WDFY3: variants seen among roughly 807,000 people sequenced by gnomAD.
The protein encoded by WDFY3 is WD repeat and FYVE domain containing 3.
A neutral mutation model predicts 409.6 loss-of-function variants in WDFY3; 66 were observed. The ratio of observed to expected loss-of-function variants is 0.16; its 90% CI spans 0.13 to 0.20. The LOEUF (loss-of-function observed/expected upper bound fraction) is 0.20. Ranked by LOEUF, WDFY3 falls within the 10% of genes least tolerant of loss-of-function variation. The probability of loss-of-function intolerance (pLI) is 1.00; values close to 1 mark genes in which losing one functional copy is unlikely to be tolerated. For missense variants in WDFY3, 3,031 were observed against 4,298.1 expected, an observed-to-expected ratio of 0.71 and a Z score of 8.24; for synonymous variants, 1,521 against 1,537.1, an observed-to-expected ratio of 0.99 and a Z score of 0.25.
chr4:84,903,010 T>C (rs1447037491), intron 2 of WDFY3, among the ~76,000 whole-genome samples: 2 of 152,202 alleles, frequency 1.3e-5, no homozygotes, highest in East Asian at 3.9e-4. Context: ...AATTATGTTG[T>C]TGAATGAAGG....
intron 1 of WDFY3, among the ~76,000 whole-genome samples, chr4:84,959,134 C>T (rs1033589014): frequency 1.3e-5 from 2 of 152,144 alleles, no homozygotes; most frequent in South Asian, 4.1e-4. Flanking sequence ...GCCTAACAGA[C>T]AGCAGACACT....
intron 3 of WDFY3, among the ~76,000 whole-genome samples, chr4:84,863,356 C>T (rs1283719167): frequency 2.6e-5 from 4 of 152,150 alleles, no homozygotes; most frequent in South Asian, 2.1e-4. Context: ...GTACAAGAGT[C>T]CCCCATTTTC....
At chr4:84,893,419 C>T (rs543374998) in intron 3 of WDFY3, among the ~76,000 whole-genome samples, 1 of 152,262 alleles carries the variant, frequency 6.6e-6, no homozygotes, top group South Asian at 2.1e-4. Flanking sequence ...ACTGTTTTCT[C>T]CTCACTTCAC....
chr4:84,880,843 G>C (rs1184711086), intron 3 of WDFY3, among the ~76,000 whole-genome samples: 2 of 148,986 alleles, frequency 1.3e-5, no homozygotes, highest in Non-Finnish European at 1.5e-5. Context: ...TCAGCCTCTC[G>C]AGTGGCTGGG....
rs1741579237 is a variant in WDFY3 at position 84,756,974 on chromosome 4, C to T, written c.5376G>A (p.Leu1792=). Residue 1792 remains leucine (L), a synonymous_variant, in exon 33 of 68, where the codon CTG becomes CTA. Coordinates refer to ENST00000295888, the MANE Select transcript of WDFY3 (RefSeq NM_014991.6). ...AGCTGATGACAGGCACACTGACCTGCAGGTTCTCAGGCAGCTCACTAACTG... is the reference window on the plus strand; with the variant it reads ...AGCTGATGACAGGCACACTGACCTGTAGGTTCTCAGGCAGCTCACTAACTG... ...QQPVSELPEN[L]QVSVPVISCR... is the part of the protein sequence containing the mutation. 1 of 1,613,960 alleles carries T rather than the reference C, an allele frequency of 6.2e-7. No individual in the cohort carries two copies. The highest frequency in any genetic ancestry group is 1.1e-5 in the South Asian group (1 of 91,090).
chr4:84,913,140 C>T (rs1469403275), intron 2 of WDFY3, among the ~76,000 whole-genome samples: 1 of 152,154 alleles, frequency 6.6e-6, no homozygotes, highest in East Asian at 1.9e-4. Context: ...TCTACTTGAA[C>T]CCAAACACAA....
chr4:84,963,437 A>G (rs1775192240), intron 1 of WDFY3, among the ~76,000 whole-genome samples: 1 of 151,926 alleles, frequency 6.6e-6, no homozygotes, highest in African/African-American at 2.4e-5. Context: ...AAGAAAAAAA[A>G]AAAAAGGTCA....
chr4:84,709,155 C>T, intron 52 of WDFY3, 127 bp from the exon 53 acceptor site: 1 of 1,419,962 alleles, frequency 7.0e-7, no homozygotes, highest in Non-Finnish European at 9.5e-7. Flanking sequence ...CAATGAAATA[C>T]TTTTTTTTCT....
intron 2 of WDFY3, among the ~76,000 whole-genome samples, chr4:84,929,846 G>A (rs1770519574): frequency 6.6e-6 from 1 of 151,952 alleles, no homozygotes; most frequent in East Asian, 1.9e-4. Context: ...AGGAGGCGGA[G>A]GTTACAGTCA....
intron 63 of WDFY3, among the ~76,000 whole-genome samples, chr4:84,683,160 G>A (rs2148791091): frequency 6.6e-6 from 1 of 152,296 alleles, no homozygotes; most frequent in South Asian, 2.1e-4. Context: ...ATTGAGCAGT[G>A]TGAAATACCA....
chr4:84,829,557 T>C (rs1374121701), intron 8 of WDFY3, among the ~76,000 whole-genome samples: 1 of 152,036 alleles, frequency 6.6e-6, no homozygotes, highest in East Asian at 1.9e-4. Flanking sequence ...ATCTTCTAAG[T>C]TTAAGAAGAA....
chr4:84,773,369 AAAC>A (rs1315561190), intron 29 of WDFY3, among the ~76,000 whole-genome samples: 5 of 152,240 alleles, frequency 3.3e-5, no homozygotes, highest in African/African-American at 1.2e-4. Context: ...TTCAAAAACC[AAAC>A]AACATGATCC....
At chr4:84,929,206 G>C (rs1415561395) in intron 2 of WDFY3, among the ~76,000 whole-genome samples, 2 of 152,058 alleles carry the variant, frequency 1.3e-5, no homozygotes, top group Non-Finnish European at 2.9e-5. Context: ...TAAGGAACTG[G>C]GTCCCTTAGT....
chr4:84,699,038 C>T (rs1230270238), intron 56 of WDFY3, among the ~76,000 whole-genome samples: 1 of 151,712 alleles, frequency 6.6e-6, no homozygotes, highest in African/African-American at 2.4e-5. Flanking sequence ...TGTGAAGAGG[C>T]AAACTGTTTT....
At position 84,786,097 on chromosome 4, in the gene WDFY3, G is replaced by A. The variant is rs765992636; in HGVS notation, c.3944C>T (p.Ser1315Leu). 4 of 1,612,568 alleles carry A rather than the reference G, an allele frequency of 2.5e-6. No individual in the cohort carries two copies. The highest frequency in any genetic ancestry group is 2.5e-6 in the Non-Finnish European group (3 of 1,179,428). The change falls in exon 24 of 68, where the codon TCA becomes TTA. Residue 1315 changes from serine (S) to leucine (L), a missense_variant. Physicochemically the swap from Ser to Leu is moderately radical, Grantham distance 145 (BLOSUM62 -2). Transcript: ENST00000295888. ...KSEGVVPSPVSLVPEEKVSFG... is the reference protein window; with the variant it reads ...KSEGVVPSPVLLVPEEKVSFG... The stretch of plus-strand genomic sequence containing the variant: ...TGACACTTTCTCCTCTGGTACTAAT[G>A]ACACAGGGGATGGCACCACCCCTTC...
intron 63 of WDFY3, 142 bp downstream of exon 63, chr4:84,683,801 A>G (rs973044826): frequency 1.6e-5 from 12 of 761,188 alleles, no homozygotes; most frequent in Admixed American, 3.2e-5. Flanking sequence ...GATAACGCAG[A>G]GGCCAAGGCC....
chr4:84,740,249 C>G lies in WDFY3; in HGVS notation c.6402G>C (p.Gly2134=). The part of the protein sequence containing the change: ...TVNRNLILGP[G]NHDQEFISCL... ...AGCTAATGAATTCTTGGTCATGGTT[C>G]CCAGGTCCCAGGATCAAGTTTCTGT... The change falls in exon 39 of 68, where the codon GGG becomes GGC. Residue 2134 remains glycine, a synonymous_variant. Transcript: ENST00000295888. 1 of 1,613,962 alleles carries G rather than the reference C, an allele frequency of 6.2e-7. No individual in the cohort carries two copies. The highest frequency in any genetic ancestry group is 8.5e-7 in the Non-Finnish European group (1 of 1,179,976).
intron 30 of WDFY3, among the ~76,000 whole-genome samples, chr4:84,767,379 A>G (rs1284314624): frequency 2.6e-5 from 4 of 152,066 alleles, no homozygotes; most frequent in Non-Finnish European, 5.9e-5. Context: ...AGTCACAATA[A>G]TATCGAAATT....
chr4:84,795,313 C>T (rs1749205012), intron 19 of WDFY3, among the ~76,000 whole-genome samples: 1 of 152,228 alleles, frequency 6.6e-6, no homozygotes, highest in African/African-American at 2.4e-5. Flanking sequence ...GTGCCCCTTA[C>T]TGTCACTCTC....
Sources: gnomAD v4.1 joint callset for allele counts (sites outside exome capture counted in the v4.1 genomes callset) on GRCh38, gnomAD v4.1.1 for gene constraint, MANE v1.5 for transcripts, NCBI Gene and HGNC (gene_info 2026-07-23, HGNC 2026-07-21) for gene names.